The following MCTP2 variants were observed in gnomAD, a reference collection of about 807,000 sequenced individuals.
The protein encoded by MCTP2 is multiple C2 and transmembrane domain-containing protein 2.
Under a neutral mutation model 111.6 loss-of-function variants are expected in MCTP2, and 132 were observed. That is an observed-to-expected ratio of 1.18 (90% CI 1.03 to 1.37). The LOEUF (loss-of-function observed/expected upper bound fraction) is 1.37, where lower values mean the gene tolerates loss of function less well. Ranked by LOEUF, MCTP2 falls within the 40% of genes most tolerant of loss-of-function variation. The pLI is 0.00. For missense variants in MCTP2, 1,183 were observed against 1,067.9 expected, an observed-to-expected ratio of 1.11 and a Z score of -1.50; for synonymous variants, 395 against 387.7, an observed-to-expected ratio of 1.02 and a Z score of -0.22.
At chr15:94,402,577 T>C (rs1384476058) in intron 17 of MCTP2, 4 of 1,551,434 alleles carry the variant, frequency 2.6e-6, no homozygotes, top group Non-Finnish European at 3.5e-6. Flanking sequence ...AATCGCAGAA[T>C]CAAAGCGCTG....
At chr15:94,273,260 A>G (rs1221563759) in intron 1 of MCTP2, among the ~76,000 whole-genome samples, 1 of 152,210 alleles carries the variant, frequency 6.6e-6, no homozygotes, top group Non-Finnish European at 1.5e-5. Context: ...CATATATAGA[A>G]CCCAGCAACT....
intron 4 of MCTP2, among the ~76,000 whole-genome samples, chr15:94,332,748 T>C (rs2077186049): frequency 6.6e-6 from 1 of 152,192 alleles, no homozygotes; most frequent in Non-Finnish European, 1.5e-5. Flanking sequence ...TTTTATAACT[T>C]GGCAAACCTG....
At chr15:94,427,946 G>T (rs1425055411) in intron 17 of MCTP2, among the ~76,000 whole-genome samples, 1 of 152,072 alleles carries the variant, frequency 6.6e-6, no homozygotes, top group Admixed American at 6.5e-5. Flanking sequence ...AACAACAATA[G>T]TATCGGAATT....
At chr15:94,315,194 C>A (rs1182521910) in intron 3 of MCTP2, among the ~76,000 whole-genome samples, 1 of 152,134 alleles carries the variant, frequency 6.6e-6, no homozygotes, top group Admixed American at 6.5e-5. Context: ...CCTGTTGCCT[C>A]TCTTGGGGCT....
At chr15:94,441,828 T>A (rs2083800332) in intron 18 of MCTP2, among the ~76,000 whole-genome samples, 1 of 152,180 alleles carries the variant, frequency 6.6e-6, no homozygotes, top group South Asian at 2.1e-4. Context: ...TTCATTACCT[T>A]CCTGTTTATC....
In MCTP2 at chr15:94,399,032, T is replaced by C; in HGVS notation, c.1860T>C (p.Ile620=). Residue 620 remains isoleucine, a synonymous_variant, in exon 15 of 23, where the codon ATT becomes ATC. Coordinates refer to ENST00000357742, the MANE Select transcript of MCTP2 (RefSeq NM_001385001.1). ...TAGAACAAGCTTTTAAAGGAGTTAT[T>C]TACTTAGAGATGGACCTTATATATA... ...KDLEQAFKGV[I]YLEMDLIYNP... The C allele has an allele frequency of 6.5e-7, 1 of 1,545,316 alleles. No individual in the cohort carries two copies. The highest frequency in any genetic ancestry group is 8.9e-7 in the Non-Finnish European group (1 of 1,117,696).
intron 17 of MCTP2, among the ~76,000 whole-genome samples, chr15:94,409,544 C>A (rs2082059721): frequency 6.6e-6 from 1 of 152,070 alleles, no homozygotes; most frequent in African/African-American, 2.4e-5. Context: ...CCAAGTAGTG[C>A]AGTCTAATTC....
intron 1 of MCTP2, among the ~76,000 whole-genome samples, chr15:94,242,001 T>A (rs1385513932): frequency 6.6e-6 from 1 of 152,206 alleles, no homozygotes; most frequent in Non-Finnish European, 1.5e-5. Context: ...TCTGTATGGT[T>A]GTTGAAATGA....
rs1251936650 is a variant in MCTP2, at chr15:94,314,348, A to G, written c.528+4A>G. 1.3e-6 allele frequency: 2 copies of G among 1,591,094 alleles called. No individual in the cohort carries two copies. The highest frequency in any genetic ancestry group is 1.7e-6 in the Non-Finnish European group (2 of 1,163,210). On this transcript the variant is annotated splice_donor_region_variant and intron_variant, in intron 3 of 22. Coordinates refer to ENST00000357742, the MANE Select transcript of MCTP2 (RefSeq NM_001385001.1). ...TCAACATTTTGAAGAACAATCTGTG[A>G]GTGGCATTCCTTAAAAAGAAACATT... is the stretch of plus-strand genomic sequence containing the variant.
At chr15:94,455,763 CAATT>C (rs2084794360) in intron 19 of MCTP2, among the ~76,000 whole-genome samples, 1 of 152,090 alleles carries the variant, frequency 6.6e-6, no homozygotes. Context: ...ACAGTGGAGT[CAATT>C]AAGGTGTCAA....
At position 94,472,350 on chromosome 15, in the gene MCTP2, C is replaced by T. The variant is rs374020551; in HGVS notation, c.2470+1908C>T. On this transcript the variant is annotated intron_variant, in intron 21 of 22. Coordinates refer to ENST00000357742, the MANE Select transcript of MCTP2 (RefSeq NM_001385001.1). ...TGAGATCAAGCCACTGCACTCCAGC[C>T]TGGGCAACAGAACAAGACTCCGTCT... Among the ~76,000 whole-genome samples the T allele has an allele frequency of 5.3e-5, 8 of 152,172 alleles. No homozygotes were observed. The East Asian group carries it at 9.6e-4, about 18-fold the overall frequency.
At position 94,458,247 on chromosome 15, in the gene MCTP2, G is replaced by GT. The variant is rs755370043; in HGVS notation, c.2360+2dup. The GT allele has an allele frequency of 1.1e-5, 17 of 1,571,178 alleles. No homozygotes were observed. In the Admixed American group the frequency reaches 2.7e-4, roughly 25 times the overall value. On this transcript the variant is annotated splice_donor_variant, in intron 20 of 22. Transcript: ENST00000357742. LOFTEE classifies it high-confidence loss of function. ...CTTCTTTTGGAGAAAGGATTAAGAA[G>GT]TAAGTTCTAAATTTGTGTTGTGGTG...
chr15:94,296,453 C>T (rs994231450), intron 1 of MCTP2, among the ~76,000 whole-genome samples: 17 of 152,154 alleles, frequency 1.1e-4, no homozygotes, highest in Non-Finnish European at 1.5e-4. Flanking sequence ...TTCTAGATAC[C>T]AAAGCACTTT....
intron 10 of MCTP2, among the ~76,000 whole-genome samples, chr15:94,366,712 A>G (rs1472135861): frequency 6.6e-6 from 1 of 152,158 alleles, no homozygotes; most frequent in Non-Finnish European, 1.5e-5. Context: ...GAGAATGTAA[A>G]AAAAAATGAC....
Position 94,401,910 on chromosome 15 carries a change from G to A in MCTP2, c.1976G>A (p.Arg659Lys). Residue 659 changes from arginine (R) to lysine (K), a missense_variant, in exon 17 of 23, where the codon AGA becomes AAA. Physicochemically the swap from Arg to Lys is conservative, Grantham distance 26. Transcript: ENST00000357742. The stretch of plus-strand genomic sequence containing the variant: ...ATTTTTTAAAATCAGATCTTATCAA[G>A]AGATGTGGACCGTGTGAAAAGAATC... ...SRKLSKKILS[R>K]DVDRVKRITM... The A allele has an allele frequency of 6.2e-7, 1 of 1,603,410 alleles. No homozygotes were observed. The highest frequency in any genetic ancestry group is 8.5e-7 in the Non-Finnish European group (1 of 1,175,322).
chr15:94,244,077 T>C (rs546838905), intron 1 of MCTP2, among the ~76,000 whole-genome samples: 6 of 142,562 alleles, frequency 4.2e-5, no homozygotes, highest in African/African-American at 1.6e-4. Context: ...TGTATATATT[T>C]ATGCACACAT....
intron 2 of MCTP2, among the ~76,000 whole-genome samples, chr15:94,307,702 TG>T (rs1434671144): frequency 6.6e-6 from 1 of 152,140 alleles, no homozygotes; most frequent in Non-Finnish European, 1.5e-5. Context: ...CTGTAGACAC[TG>T]GGTATAGCAG....
At chr15:94,353,290 A>G (rs1413940599) in intron 8 of MCTP2, among the ~76,000 whole-genome samples, 2 of 152,208 alleles carry the variant, frequency 1.3e-5, no homozygotes, top group Non-Finnish European at 2.9e-5. Context: ...GTCCATGGAT[A>G]GATCAGGAGC....
intron 20 of MCTP2, among the ~76,000 whole-genome samples, chr15:94,461,391 C>A (rs1050671299): frequency 6.6e-6 from 1 of 152,030 alleles, no homozygotes; most frequent in Admixed American, 6.5e-5. Context: ...ACCTGGGAGG[C>A]GGAGGTTGCA....
Sources: allele counts gnomAD v4.1 joint callset (sites outside exome capture counted in the v4.1 genomes callset), GRCh38; gene constraint gnomAD v4.1.1; transcripts MANE v1.5; gene names NCBI Gene and HGNC (gene_info 2026-07-23, HGNC 2026-07-21).